ITPK1: variants seen among roughly 807,000 people sequenced by gnomAD.
ITPK1 encodes the protein inositol-tetrakisphosphate 1-kinase.
ITPK1 carries 21 observed loss-of-function variants against 45.3 expected under a neutral mutation model. The ratio of observed to expected loss-of-function variants is 0.46; its 90% CI spans 0.33 to 0.67. ITPK1 has a LOEUF of 0.67. Among genes scored for constraint, ITPK1 ranks in the 30% least tolerant of loss-of-function variants. ITPK1 has a pLI of 0.02. For synonymous variants in ITPK1, 258 were observed against 253.6 expected, an observed-to-expected ratio of 1.02 and a Z score of -0.16; for missense variants, 474 against 573.5, an observed-to-expected ratio of 0.83 and a Z score of 1.77.
intron 3 of ITPK1, among the ~76,000 whole-genome samples, chr14:93,017,393 G>A (rs1302520843): frequency 6.6e-6 from 1 of 152,238 alleles, no homozygotes; most frequent in Admixed American, 6.5e-5. Context: ...AAGCGAAGGC[G>A]CGTAGGGCTG....
At chr14:93,050,007 G>A (rs758386758) in intron 3 of ITPK1, among the ~76,000 whole-genome samples, 15 of 152,126 alleles carry the variant, frequency 9.9e-5, no homozygotes, top group Non-Finnish European at 1.6e-4. Context: ...GGTGGGCGCC[G>A]ACAATCCCTG....
rs995258413 is a variant in ITPK1 at position 93,014,292 on chromosome 14, C to A, written c.246+2384G>T. Among the ~76,000 whole-genome samples, 4 of 152,186 alleles carry A rather than the reference C, an allele frequency of 2.6e-5. No homozygotes were observed. Among genetic ancestry groups the A allele is most frequent in the Non-Finnish European group, 4.4e-5 (3 of 68,036 alleles). On this transcript the variant is annotated intron_variant, in intron 4 of 10. Transcript: ENST00000267615. The surrounding 1 kb of genome is among the most constrained non-coding windows in gnomAD (Gnocchi z 4.4). ...ACACGCTCCCTGTTAATATTGTTTT[C>A]TGCCCAGAAAAGGAACACAGCGGGC... is the stretch of plus-strand genomic sequence containing the variant.
At chr14:92,964,469 C>T (rs1238230559) in intron 5 of ITPK1, among the ~76,000 whole-genome samples, 6 of 152,218 alleles carry the variant, frequency 3.9e-5, no homozygotes, top group African/African-American at 9.6e-5. Context: ...CCAGGCAGGG[C>T]GGGAATGCTG....
chr14:92,988,652 T>A (rs1307022489), intron 5 of ITPK1, among the ~76,000 whole-genome samples: 6 of 151,974 alleles, frequency 3.9e-5, no homozygotes, highest in Non-Finnish European at 7.4e-5. Flanking sequence ...GTGGAAGGGG[T>A]ACACACAGGG....
chr14:92,950,313 C>T (rs1366413489), intron 9 of ITPK1, among the ~76,000 whole-genome samples: 1 of 152,238 alleles, frequency 6.6e-6, no homozygotes. Context: ...TGGGCAGGGG[C>T]AGGTGGATGA....
intron 4 of ITPK1, among the ~76,000 whole-genome samples, chr14:93,004,143 C>T (rs1224927746): frequency 1.3e-5 from 2 of 152,208 alleles, no homozygotes; most frequent in Non-Finnish European, 2.9e-5. Context: ...TCCCAGTCGC[C>T]TGCAAGCCAG....
chr14:93,102,128 G>C (rs145730634), intron 2 of ITPK1, among the ~76,000 whole-genome samples: 2 of 152,350 alleles, frequency 1.3e-5, no homozygotes, highest in Non-Finnish European at 2.9e-5. Context: ...TCCCCCAAAA[G>C]AACGAGGCAC....
In ITPK1 at chr14:93,091,179, C is replaced by A. The variant is rs552736436; in HGVS notation, c.96-14560G>T. Reference sequence around the variant, plus strand: ...CATATAATTATGAAGAGAAAAAGTTCTTTAAAATTAGCTTCCCAAATACAG... The same window carrying A: ...CATATAATTATGAAGAGAAAAAGTTATTTAAAATTAGCTTCCCAAATACAG... On this transcript the variant is annotated intron_variant, in intron 2 of 10. Transcript: ENST00000267615. Among the ~76,000 whole-genome samples, 4 of 152,360 alleles carry A rather than the reference C, an allele frequency of 2.6e-5. No individual in the cohort carries two copies. In the South Asian group the frequency reaches 6.2e-4, roughly 24 times the overall value.
chr14:93,035,310 A>C (rs895438671), intron 3 of ITPK1, among the ~76,000 whole-genome samples: 1 of 152,260 alleles, frequency 6.6e-6, no homozygotes, highest in Admixed American at 6.5e-5. Context: ...AGGCTCTTCC[A>C]GAATGACCCA....
rs1889205926 is a variant in ITPK1 at position 93,034,203 on chromosome 14, G to T, written c.121-17402C>A. 6.7e-6 allele frequency among the ~76,000 whole-genome samples: 1 copy of T among 149,844 alleles called. No homozygotes were observed. Among genetic ancestry groups the T allele is most frequent in the Non-Finnish European group, 1.5e-5 (1 of 67,356 alleles). On this transcript the variant is annotated intron_variant, in intron 3 of 10. Coordinates refer to ENST00000267615, the MANE Select transcript of ITPK1 (RefSeq NM_014216.6). The surrounding 1 kb of genome is among the most constrained non-coding windows in gnomAD (Gnocchi z 4.1). ...CTGCCCCCAGCACACTGAACTGGGA[G>T]GTGGCTTCAGCCACACAGCACCTGC...
intron 4 of ITPK1, among the ~76,000 whole-genome samples, chr14:92,997,343 A>T (rs1887105676): frequency 1.3e-5 from 2 of 152,240 alleles, no homozygotes; most frequent in African/African-American, 4.8e-5. Context: ...CATGAAGTTA[A>T]GCCAAACTCA....
At chr14:93,013,006 C>T (rs1162479834) in intron 4 of ITPK1, among the ~76,000 whole-genome samples, 5 of 152,152 alleles carry the variant, frequency 3.3e-5, no homozygotes, top group Admixed American at 3.3e-4. Context: ...GAGGAGAAGG[C>T]TCGTGTTGCC....
At chr14:92,994,195 C>T (rs1886935894) in intron 4 of ITPK1, among the ~76,000 whole-genome samples, 198 bp from the exon 5 acceptor site, 1 of 152,234 alleles carries the variant, frequency 6.6e-6, no homozygotes, top group South Asian at 2.1e-4. Context: ...AGGCCAAACT[C>T]AGAAATAGAG....
intron 3 of ITPK1, chr14:93,071,511 C>A (rs972647333): frequency 6.6e-6 from 1 of 152,230 alleles, no homozygotes; most frequent in Non-Finnish European, 1.5e-5. Context: ...TGAAAAATTT[C>A]TCATCATAAG....
intron 2 of ITPK1, among the ~76,000 whole-genome samples, chr14:93,087,594 C>G (rs1473836577): frequency 6.6e-6 from 1 of 152,258 alleles, no homozygotes; most frequent in Non-Finnish European, 1.5e-5. Flanking sequence ...AGGCAGCACA[C>G]TCACAGGCTC....
rs530640834 is a variant in ITPK1, at chr14:93,036,203, G to A, written c.121-19402C>T. Reference sequence around the variant, plus strand: ...GCTGCGGGGAGCAGAGGCCACAACCGGAGGGACACTGTCCCCGTCCTACTG... The same window carrying A: ...GCTGCGGGGAGCAGAGGCCACAACCAGAGGGACACTGTCCCCGTCCTACTG... On this transcript the variant is annotated intron_variant, in intron 3 of 10. Transcript: ENST00000267615. The surrounding 1 kb of genome is among the most constrained non-coding windows in gnomAD (Gnocchi z 4.1). Among the ~76,000 whole-genome samples the A allele has an allele frequency of 3.3e-5, 5 of 152,136 alleles. No homozygotes were observed. The highest frequency in any genetic ancestry group is 7.2e-5 in the African/African-American group (3 of 41,420).
Position 92,946,961 on chromosome 14 carries a change from G to A in ITPK1, c.739-468C>T, listed in dbSNP as rs543075714. On this transcript the variant is annotated intron_variant, in intron 9 of 10. Coordinates refer to ENST00000267615, the MANE Select transcript of ITPK1 (RefSeq NM_014216.6). ...GGAACTTGGAGGCAGGAGGATGTGG[G>A]CCCCTGGGAGGGGTGGGAGAAGGAG... Among the ~76,000 whole-genome samples the A allele has an allele frequency of 4.1e-4, 62 of 152,372 alleles. No homozygotes were observed. The South Asian group carries it at 0.011, about 27-fold the overall frequency.
Position 92,941,206 on chromosome 14 carries a change from G to T in ITPK1, c.*355C>A. On this transcript the variant is annotated 3_prime_UTR_variant, in exon 11 of 11. Coordinates refer to ENST00000267615, the MANE Select transcript of ITPK1 (RefSeq NM_014216.6). ...AAGGGTCCCGGTCCACAGTGGCCATGGAGACCAACAGACAGGGATGTGCAC... is the reference window on the plus strand; with the variant it reads ...AAGGGTCCCGGTCCACAGTGGCCATTGAGACCAACAGACAGGGATGTGCAC... The T allele has an allele frequency of 7.8e-7, 1 of 1,274,990 alleles. No homozygotes were observed. Among genetic ancestry groups the T allele is most frequent in the Non-Finnish European group, 1.0e-6 (1 of 1,000,928 alleles). The allele number at this position is 1,274,990 out of a possible 1,614,324, so 79.0% of individuals were successfully genotyped here.
intron 5 of ITPK1, among the ~76,000 whole-genome samples, chr14:92,989,610 G>C (rs1446124411): frequency 1.3e-5 from 2 of 152,192 alleles, no homozygotes; most frequent in East Asian, 1.9e-4. Context: ...CTGGCCCTGG[G>C]TGGCAGAGTG....
Sources: allele counts gnomAD v4.1 joint callset (sites outside exome capture counted in the v4.1 genomes callset), GRCh38; gene constraint gnomAD v4.1.1; non-coding constraint Gnocchi (gnomAD v3.1); transcripts MANE v1.5; gene names NCBI Gene and HGNC (gene_info 2026-07-23, HGNC 2026-07-21).